Variants in MARCHF1 observed in about 807,000 individuals in gnomAD.
MARCHF1 encodes E3 ubiquitin-protein ligase MARCHF1.
A neutral mutation model predicts 54.2 loss-of-function variants in MARCHF1; 40 were observed. The observed-to-expected ratio is 0.74, with a 90% CI of 0.57 to 0.96. The LOEUF is 0.96. Among genes scored for constraint, MARCHF1 ranks in the 40% least tolerant of loss-of-function variants. The pLI is 0.00. For synonymous variants in MARCHF1, 236 were observed against 236.3 expected, an observed-to-expected ratio of 1.00 and a Z score of 0.01; for missense variants, 586 against 656.5, an observed-to-expected ratio of 0.89 and a Z score of 1.17.
chr4:163,541,614 C>T (rs1738725025), intron 9 of MARCHF1, among the ~76,000 whole-genome samples: 1 of 152,080 alleles, frequency 6.6e-6, no homozygotes, highest in Non-Finnish European at 1.5e-5. Flanking sequence ...CATTTACAGA[C>T]ATATGAGGAA....
intron 3 of MARCHF1, among the ~76,000 whole-genome samples, chr4:163,885,853 C>T (rs908678672): frequency 6.6e-6 from 1 of 151,008 alleles, no homozygotes; most frequent in Non-Finnish European, 1.5e-5. Context: ...AGGAGTATTA[C>T]TGGAGCCCAG....
intron 4 of MARCHF1, among the ~76,000 whole-genome samples, chr4:163,746,480 G>GT (rs1200583730): frequency 4.9e-4 from 74 of 151,260 alleles, no homozygotes; most frequent in Middle Eastern, 3.4e-3. Flanking sequence ...TATGTGCAGG[G>GT]TTTTTTTTTG....
chr4:163,714,065 T>G (rs980286458), intron 4 of MARCHF1, among the ~76,000 whole-genome samples: 4 of 152,242 alleles, frequency 2.6e-5, no homozygotes, highest in Non-Finnish European at 4.4e-5. Context: ...CTTGAGCCAG[T>G]TGATTTACAT....
At chr4:163,859,341 A>G (rs565470451) in intron 3 of MARCHF1, among the ~76,000 whole-genome samples, 2 of 150,522 alleles carry the variant, frequency 1.3e-5, no homozygotes, top group African/African-American at 4.9e-5. Flanking sequence ...TCTCTCCTCT[A>G]TTGAGGCAGT....
At chr4:164,010,255 G>GTT (rs200926227) in intron 2 of MARCHF1, among the ~76,000 whole-genome samples, 6 of 145,154 alleles carry the variant, frequency 4.1e-5, no homozygotes, top group East Asian at 2.0e-4. Context: ...TTGTTTTTTG[G>GTT]TTTTTTTTTT....
intron 5 of MARCHF1, among the ~76,000 whole-genome samples, chr4:163,695,012 T>C (rs1744575498): frequency 1.3e-5 from 2 of 152,142 alleles, no homozygotes; most frequent in South Asian, 4.1e-4. Flanking sequence ...CCTACTTTAC[T>C]TCATCAACCT....
chr4:163,828,046 C>T (rs1238039503), intron 4 of MARCHF1, among the ~76,000 whole-genome samples: 1 of 134,856 alleles, frequency 7.4e-6, no homozygotes, highest in African/African-American at 2.6e-5. Flanking sequence ...CACACACACA[C>T]ACACACACAG....
chr4:164,023,114 G>T (rs1753698106), intron 2 of MARCHF1, among the ~76,000 whole-genome samples: 1 of 152,212 alleles, frequency 6.6e-6, no homozygotes, highest in Non-Finnish European at 1.5e-5. Flanking sequence ...ACAGAGAGGG[G>T]TGAGGCACAT....
intron 1 of MARCHF1, among the ~76,000 whole-genome samples, chr4:164,297,654 G>A (rs1031090784): frequency 7.1e-6 from 1 of 141,670 alleles, no homozygotes; most frequent in African/African-American, 2.5e-5. Context: ...AAAAAGTAGT[G>A]AACTATGAAC....
intron 2 of MARCHF1, among the ~76,000 whole-genome samples, chr4:164,063,230 C>T (rs1754658706): frequency 6.6e-6 from 1 of 152,240 alleles, no homozygotes; most frequent in Non-Finnish European, 1.5e-5. Context: ...ATAACAGAGT[C>T]AGACTGTCCT....
intron 1 of MARCHF1, among the ~76,000 whole-genome samples, chr4:164,351,986 C>A (rs1205092856): frequency 2.2e-5 from 3 of 137,832 alleles, no homozygotes; most frequent in Admixed American, 7.2e-5. Flanking sequence ...GGAGCTGATG[C>A]GATCAACTGG....
intron 7 of MARCHF1, among the ~76,000 whole-genome samples, chr4:163,588,694 A>T (rs773456458): frequency 5.3e-5 from 8 of 152,128 alleles, no homozygotes; most frequent in Non-Finnish European, 1.2e-4. Flanking sequence ...AGTCTCACCC[A>T]CTGGTTTATC....
intron 4 of MARCHF1, among the ~76,000 whole-genome samples, chr4:163,798,302 CTT>C (rs1747980366): frequency 1.3e-5 from 2 of 152,096 alleles, no homozygotes. Context: ...GGAAGGGAAA[CTT>C]TATCAGAAAG....
At chr4:163,788,933 C>G (rs556873573) in intron 4 of MARCHF1, among the ~76,000 whole-genome samples, 10 of 152,098 alleles carry the variant, frequency 6.6e-5, no homozygotes, top group African/African-American at 2.4e-4. Context: ...TACTTTGAGG[C>G]AATGCAAATA....
At chr4:163,776,775 A>G (rs1319644944) in intron 4 of MARCHF1, among the ~76,000 whole-genome samples, 1 of 152,194 alleles carries the variant, frequency 6.6e-6, no homozygotes, top group Non-Finnish European at 1.5e-5. Flanking sequence ...ATATGAAAGT[A>G]TCTTGTAAGT....
intron 3 of MARCHF1, among the ~76,000 whole-genome samples, chr4:163,937,943 T>A (rs575613606): frequency 6.6e-6 from 1 of 152,244 alleles, no homozygotes; most frequent in Non-Finnish European, 1.5e-5. Flanking sequence ...GACCTATATA[T>A]CTTGGCTCTA....
At chr4:164,035,228 T>A (rs1753967117) in intron 2 of MARCHF1, among the ~76,000 whole-genome samples, 1 of 152,110 alleles carries the variant, frequency 6.6e-6, no homozygotes, top group South Asian at 2.1e-4. Context: ...TAACAGCTTT[T>A]CCAATGTTAT....
intron 1 of MARCHF1, among the ~76,000 whole-genome samples, chr4:164,259,695 C>T (rs546604823): frequency 8.6e-5 from 13 of 151,784 alleles, no homozygotes; most frequent in African/African-American, 2.9e-4. Flanking sequence ...ACCGATATGA[C>T]CCTTGAGGTA....
At chr4:163,691,109 AT>A (rs1260661438) in intron 5 of MARCHF1, among the ~76,000 whole-genome samples, 1 of 152,084 alleles carries the variant, frequency 6.6e-6, no homozygotes, top group East Asian at 1.9e-4. Context: ...ATTTAGCTCC[AT>A]TTTCCCAGGG....
Sources: gnomAD v4.1 joint callset for allele counts (sites outside exome capture counted in the v4.1 genomes callset) on GRCh38, gnomAD v4.1.1 for gene constraint, MANE v1.5 for transcripts, NCBI Gene and HGNC (gene_info 2026-07-23, HGNC 2026-07-21) for gene names.